HLCS: variants seen among roughly 807,000 people sequenced by gnomAD.
HLCS encodes the protein holocarboxylase synthetase, also known as biotin--protein ligase.
In HLCS, 53 loss-of-function variants were observed where a neutral mutation model predicts 75.0. The ratio of observed to expected loss-of-function variants is 0.71; its 90% CI spans 0.57 to 0.89. The LOEUF is 0.89. Ranked by LOEUF, HLCS falls within the 40% of genes least tolerant of loss-of-function variation. The pLI is 0.00. For synonymous variants in HLCS, 431 were observed against 428.6 expected, an observed-to-expected ratio of 1.01 and a Z score of -0.07; for missense variants, 966 against 1,074.0, an observed-to-expected ratio of 0.90 and a Z score of 1.41.
intron 6 of HLCS, among the ~76,000 whole-genome samples, chr21:36,855,302 G>T (rs982525593): frequency 5.3e-5 from 8 of 152,048 alleles, no homozygotes; most frequent in African/African-American, 1.9e-4. Flanking sequence ...AGGCCAAAGC[G>T]GGTGGATTGC....
At chr21:36,916,658 C>T (rs972260885) in intron 5 of HLCS, among the ~76,000 whole-genome samples, 17 of 151,734 alleles carry the variant, frequency 1.1e-4, no homozygotes, top group African/African-American at 3.6e-4. Context: ...GGGCATGAGC[C>T]GCTGCACCTG....
chr21:36,763,574 C>T (rs900046691), intron 8 of HLCS, among the ~76,000 whole-genome samples: 1 of 152,174 alleles, frequency 6.6e-6, no homozygotes, highest in African/African-American at 2.4e-5. Flanking sequence ...GTGAGAAGGA[C>T]CTTTTCTTCA....
intron 1 of HLCS, among the ~76,000 whole-genome samples, chr21:36,963,417 GA>G (rs1249103522): frequency 6.6e-6 from 1 of 152,152 alleles, no homozygotes; most frequent in African/African-American, 2.4e-5. Context: ...ATTTAGGGGA[GA>G]ATTTGCCCCT....
chr21:36,872,781 T>G (rs1043368356), intron 6 of HLCS, among the ~76,000 whole-genome samples: 4 of 152,214 alleles, frequency 2.6e-5, no homozygotes, highest in African/African-American at 9.6e-5. Flanking sequence ...ACAAATAAGC[T>G]TCTATGAATA....
chr21:36,758,784 C>CAG (rs921800513), intron 9 of HLCS, among the ~76,000 whole-genome samples: 15 of 152,164 alleles, frequency 9.9e-5, no homozygotes, highest in Admixed American at 3.3e-4. Context: ...AGTTTGATAC[C>CAG]AGCCTGGCCA....
intron 7 of HLCS, among the ~76,000 whole-genome samples, chr21:36,766,772 C>G (rs2090050775): frequency 6.6e-6 from 1 of 152,150 alleles, no homozygotes; most frequent in Non-Finnish European, 1.5e-5. Context: ...GGCACTGATG[C>G]AGAGCCCACC....
chr21:36,822,542 A>C (rs1388261810), intron 6 of HLCS, among the ~76,000 whole-genome samples: 1 of 152,092 alleles, frequency 6.6e-6, no homozygotes, highest in Non-Finnish European at 1.5e-5. Context: ...TTTTGGAATA[A>C]TTTTTCATTT....
intron 6 of HLCS, among the ~76,000 whole-genome samples, chr21:36,878,423 C>T (rs893320982): frequency 6.6e-6 from 1 of 152,146 alleles, no homozygotes; most frequent in Non-Finnish European, 1.5e-5. Flanking sequence ...GGAAATTGTA[C>T]TAACCAGAGA....
rs1486029361 is a variant in HLCS at position 36,749,474 on chromosome 21, C to G, written c.*4772G>C. 1 of 147,692 alleles carries G rather than the reference C, an allele frequency of 6.8e-6. No individual in the cohort carries two copies. Among genetic ancestry groups the G allele is most frequent in the African/African-American group, 2.5e-5 (1 of 39,578 alleles). The allele number at this position is 147,692 out of a possible 1,614,324, so 9.1% of individuals were successfully genotyped here. ...TTTTTTTTTTTTTTTTTTGCCAACC[C>G]TGTGTCACTTAGTGAGGACCTGACA... On this transcript the variant is annotated 3_prime_UTR_variant, in exon 11 of 11. Transcript: ENST00000674895.
At chr21:36,892,380 G>C (rs2064824425) in intron 6 of HLCS, among the ~76,000 whole-genome samples, 1 of 152,248 alleles carries the variant, frequency 6.6e-6, no homozygotes, top group Non-Finnish European at 1.5e-5. Context: ...GTGGCCGCCA[G>C]TGCAGGGGGT....
intron 6 of HLCS, among the ~76,000 whole-genome samples, chr21:36,835,557 G>GT (rs771584821): frequency 2.3e-4 from 35 of 152,178 alleles, no homozygotes; most frequent in Non-Finnish European, 4.4e-4. Context: ...GGGCTGCAGG[G>GT]TAGTATCCTA....
chr21:36,862,691 C>T (rs748944278), intron 6 of HLCS, among the ~76,000 whole-genome samples: 1 of 152,172 alleles, frequency 6.6e-6, no homozygotes, highest in Non-Finnish European at 1.5e-5. Context: ...GTGGTGTGGT[C>T]GCCTGTCTTT....
intron 6 of HLCS, among the ~76,000 whole-genome samples, chr21:36,878,273 T>C (rs983592709): frequency 6.6e-6 from 1 of 152,194 alleles, no homozygotes; most frequent in Admixed American, 6.5e-5. Flanking sequence ...TCAGATTAGA[T>C]AATTATTACT....
intron 6 of HLCS, chr21:36,806,231 T>G (rs1473263253): frequency 6.6e-6 from 1 of 152,452 alleles, no homozygotes; most frequent in Admixed American, 6.5e-5. Flanking sequence ...TTTCCACCAT[T>G]CATCTCAGGA....
intron 8 of HLCS, among the ~76,000 whole-genome samples, chr21:36,760,606 T>G (rs1045507734): frequency 8.3e-5 from 12 of 144,522 alleles, no homozygotes; most frequent in Non-Finnish European, 1.4e-4. Flanking sequence ...CGAGACTCTG[T>G]CTCAAAAAAA....
At chr21:36,908,616 T>TA in intron 5 of HLCS, among the ~76,000 whole-genome samples, 1 of 152,226 alleles carries the variant, frequency 6.6e-6, no homozygotes, top group South Asian at 2.1e-4. Context: ...CAAAGACCTG[T>TA]ATGTGGATGT....
At chr21:36,769,562 C>T (rs1055017850) in intron 6 of HLCS, among the ~76,000 whole-genome samples, 7 of 152,314 alleles carry the variant, frequency 4.6e-5, no homozygotes, top group African/African-American at 1.7e-4. Context: ...TCCTTCCTTG[C>T]TGGCAAAGGT....
intron 6 of HLCS, among the ~76,000 whole-genome samples, chr21:36,867,875 G>A (rs2063613055): frequency 6.6e-6 from 1 of 152,214 alleles, no homozygotes; most frequent in Non-Finnish European, 1.5e-5. Context: ...GCTCACGCCT[G>A]TAATCCCAAT....
At chr21:36,819,273 C>T (rs986287144) in intron 6 of HLCS, among the ~76,000 whole-genome samples, 2 of 152,170 alleles carry the variant, frequency 1.3e-5, no homozygotes, top group African/African-American at 4.8e-5. Context: ...TGCTAAACAT[C>T]AGGTCCAGCA....
Sources: gnomAD v4.1 joint callset for allele counts (sites outside exome capture counted in the v4.1 genomes callset) on GRCh38, gnomAD v4.1.1 for gene constraint, MANE v1.5 for transcripts, NCBI Gene and HGNC (gene_info 2026-07-23, HGNC 2026-07-21) for gene names.